Variants in CDCA2 observed in about 807,000 individuals in gnomAD.
CDCA2 encodes cell division cycle associated 2, also known as cell division cycle-associated protein 2.
A neutral mutation model predicts 67.0 loss-of-function variants in CDCA2; 44 were observed. The observed-to-expected ratio is 0.66, with a 90% CI of 0.52 to 0.84. The LOEUF is 0.84. Ranked by LOEUF, CDCA2 falls within the 40% of genes least tolerant of loss-of-function variation. The probability of loss-of-function intolerance (pLI) is 0.00; values close to 1 mark genes in which losing one functional copy is unlikely to be tolerated. For synonymous variants in CDCA2, 447 were observed against 418.7 expected, an observed-to-expected ratio of 1.07 and a Z score of -0.82; for missense variants, 1,253 against 1,203.2, an observed-to-expected ratio of 1.04 and a Z score of -0.61.
chr8:25,464,117 A>G (rs577305355), intron 4 of CDCA2, among the ~76,000 whole-genome samples: 3 of 152,336 alleles, frequency 2.0e-5, no homozygotes, highest in South Asian at 4.1e-4. Context: ...ATTTCACTCT[A>G]AACGGTAATT....
chr8:25,500,090 A>C (rs1468302483), intron 13 of CDCA2, among the ~76,000 whole-genome samples: 1 of 152,186 alleles, frequency 6.6e-6, no homozygotes, highest in Non-Finnish European at 1.5e-5. Flanking sequence ...AAAAACAGAA[A>C]TTTAGTCTTT....
At chr8:25,488,474 C>A in intron 12 of CDCA2, 78 bp from the exon 13 acceptor site, 2 of 1,342,226 alleles carry the variant, frequency 1.5e-6, no homozygotes, top group South Asian at 1.7e-5. Flanking sequence ...TCCTGGGAAG[C>A]ACAACAAGAG....
Position 25,501,891 on chromosome 8 carries a change from TTTTTG to T in CDCA2, c.1672-1462_1672-1458del, listed in dbSNP as rs550661329. On this transcript the variant is annotated intron_variant, in intron 13 of 14. Transcript: ENST00000330560. ...TCCACTTTCCAGATGTTTGTTTTTG[TTTTTG>T]TTTTGTTTTGTTTTGTTTTTTTGAG... 7.1e-4 allele frequency among the ~76,000 whole-genome samples: 108 copies of T among 152,190 alleles called. 1 individual carries two copies. Among genetic ancestry groups the T allele is most frequent in the Middle Eastern group, 3.4e-3 (1 of 294 alleles).
intron 13 of CDCA2, among the ~76,000 whole-genome samples, chr8:25,489,594 T>C (rs1803922650): frequency 6.6e-6 from 1 of 152,218 alleles, no homozygotes; most frequent in African/African-American, 2.4e-5. Flanking sequence ...CACTGACATC[T>C]GGCCTTCTTC....
At chr8:25,470,152 T>A (rs748036096) in intron 7 of CDCA2, among the ~76,000 whole-genome samples, 172 bp downstream of exon 7, 2 of 152,222 alleles carry the variant, frequency 1.3e-5, no homozygotes, top group Non-Finnish European at 2.9e-5. Flanking sequence ...ACTCTCTTTT[T>A]TAAGCTACGA....
intron 13 of CDCA2, among the ~76,000 whole-genome samples, chr8:25,493,206 T>C (rs1479816580): frequency 1.3e-5 from 2 of 152,146 alleles, no homozygotes; most frequent in Admixed American, 6.5e-5. Flanking sequence ...GAGCCACAAT[T>C]AACATAGAAA....
chr8:25,494,876 G>A (rs1804152727), intron 13 of CDCA2, among the ~76,000 whole-genome samples: 1 of 151,780 alleles, frequency 6.6e-6, no homozygotes, highest in African/African-American at 2.4e-5. Flanking sequence ...CCAGGGACGA[G>A]TGTGCATTGA....
intron 13 of CDCA2, among the ~76,000 whole-genome samples, chr8:25,489,757 G>A (rs1803929876): frequency 1.3e-5 from 2 of 152,288 alleles, no homozygotes; most frequent in African/African-American, 2.4e-5. Context: ...TTAAATGTTT[G>A]TGTTTTCCAG....
At chr8:25,501,082 A>C (rs1223100540) in intron 13 of CDCA2, among the ~76,000 whole-genome samples, 1 of 152,198 alleles carries the variant, frequency 6.6e-6, no homozygotes, top group Non-Finnish European at 1.5e-5. Flanking sequence ...ATGTCAACAG[A>C]TGTTCCATGA....
chr8:25,505,380 T>A (rs1270318885), intron 14 of CDCA2, among the ~76,000 whole-genome samples: 2 of 152,178 alleles, frequency 1.3e-5, no homozygotes, highest in Non-Finnish European at 2.9e-5. Flanking sequence ...TTTGTATTTT[T>A]AGTAGAGACG....
chr8:25,495,121 T>C (rs1267947903), intron 13 of CDCA2, among the ~76,000 whole-genome samples: 1 of 152,196 alleles, frequency 6.6e-6, no homozygotes, highest in Non-Finnish European at 1.5e-5. Flanking sequence ...ATAGTTTTGA[T>C]TTTTCAGTTG....
rs769370393 is a variant in CDCA2, at chr8:25,479,601, G to T, written c.821-312G>T. On this transcript the variant is annotated intron_variant, in intron 7 of 14. Transcript: ENST00000330560. ...CAAGTAGTGGGTGTCATGAGTAGAG[G>T]CACGCTAATAGCTTATAGCTGATTC... is the stretch of plus-strand genomic sequence containing the variant. The T allele has an allele frequency of 3.6e-5, 13 of 356,540 alleles. No individual in the cohort carries two copies. The Admixed American group carries it at 5.2e-4, about 14-fold the overall frequency. 22.1% of individuals were successfully genotyped at this position (356,540 alleles called of 1,614,324 possible).
chr8:25,502,661 G>A (rs1294455615), intron 13 of CDCA2, among the ~76,000 whole-genome samples: 1 of 151,992 alleles, frequency 6.6e-6, no homozygotes, highest in African/African-American at 2.4e-5. Flanking sequence ...GTCTCCCATA[G>A]CTTGCAGTAT....
chr8:25,480,094 C>G lies in CDCA2; in HGVS notation c.1002C>G (p.Pro334=), dbSNP rs766908835. The change falls in exon 8 of 15, where the codon CCC becomes CCG. Residue 334 remains proline (P), a synonymous_variant. Transcript: ENST00000330560. ...TACTTCGTTCTGTACTGAAGAAACC[C>G]TCTGTTAAGATGTGTCTAGAGAGCT... The part of the protein sequence containing the change: ...TFVLRSVLKK[P]SVKMCLESLQ... 8 of 1,613,934 alleles carry G rather than the reference C, an allele frequency of 5.0e-6. No homozygotes were observed. The highest frequency in any genetic ancestry group is 1.3e-5 in the African/African-American group (1 of 74,876).
At chr8:25,465,841 T>C (rs1802876989) in intron 4 of CDCA2, among the ~76,000 whole-genome samples, 1 of 152,196 alleles carries the variant, frequency 6.6e-6, no homozygotes, top group Non-Finnish European at 1.5e-5. Context: ...GATGGCTTCC[T>C]ATGGATACAT....
chr8:25,498,459 C>T (rs543837556), intron 13 of CDCA2, among the ~76,000 whole-genome samples: 2 of 120,838 alleles, frequency 1.7e-5, no homozygotes, highest in Non-Finnish European at 3.7e-5. Context: ...CTGCACCCCC[C>T]CCCCGCCCCC....
intron 7 of CDCA2, among the ~76,000 whole-genome samples, chr8:25,473,789 T>G (rs935686723): frequency 6.6e-6 from 1 of 152,230 alleles, no homozygotes; most frequent in Non-Finnish European, 1.5e-5. Flanking sequence ...CCGGTTTTTA[T>G]TTTTGTAAAT....
At chr8:25,483,046 T>G (rs80267219) in intron 8 of CDCA2, among the ~76,000 whole-genome samples, 24,784 of 152,172 alleles carry the variant, frequency 0.16, 2,491 homozygotes, top group East Asian at 0.24. Flanking sequence ...GCCCTAAAAC[T>G]AATCTCCCAT....
chr8:25,503,591 C>A (rs773910635), intron 14 of CDCA2, 47 bp downstream of exon 14: 4 of 1,537,430 alleles, frequency 2.6e-6, no homozygotes, highest in South Asian at 2.5e-5. Context: ...TTTCTCTTCA[C>A]CCTCTTTGTT....
Sources: allele counts gnomAD v4.1 joint callset (sites outside exome capture counted in the v4.1 genomes callset), GRCh38; gene constraint gnomAD v4.1.1; transcripts MANE v1.5; gene names NCBI Gene and HGNC (gene_info 2026-07-23, HGNC 2026-07-21).